TMEM135: variants seen among roughly 807,000 people sequenced by gnomAD.
TMEM135 encodes the protein transmembrane protein 135.
In TMEM135, 30 loss-of-function variants were observed where a neutral mutation model predicts 60.3. The observed-to-expected ratio is 0.50, with a 90% CI of 0.37 to 0.68. The LOEUF (loss-of-function observed/expected upper bound fraction) is 0.68. Ranked by LOEUF, TMEM135 falls within the 30% of genes least tolerant of loss-of-function variation. The pLI is 0.00. For synonymous variants in TMEM135, 190 were observed against 186.7 expected, an observed-to-expected ratio of 1.02 and a Z score of -0.14; for missense variants, 468 against 548.8, an observed-to-expected ratio of 0.85 and a Z score of 1.47.
chr11:87,055,460 A>G (rs1590983240), intron 1 of TMEM135, among the ~76,000 whole-genome samples: 2 of 152,232 alleles, frequency 1.3e-5, no homozygotes, highest in African/African-American at 4.8e-5. Flanking sequence ...TATGTTTTAA[A>G]TTATAGTAGT....
intron 5 of TMEM135, among the ~76,000 whole-genome samples, chr11:87,230,287 A>G (rs966675125): frequency 5.9e-5 from 9 of 152,132 alleles, no homozygotes; most frequent in African/African-American, 1.2e-4. Context: ...TCCATGTTTT[A>G]GTATGACTGA....
At chr11:87,206,751 A>G (rs1333209227) in intron 5 of TMEM135, among the ~76,000 whole-genome samples, 1 of 152,246 alleles carries the variant, frequency 6.6e-6, no homozygotes, top group South Asian at 2.1e-4. Flanking sequence ...TTAAACTATT[A>G]TAGTAGGAAC....
intron 5 of TMEM135, among the ~76,000 whole-genome samples, chr11:87,206,848 A>G (rs1032844008): frequency 6.6e-6 from 1 of 152,136 alleles, no homozygotes; most frequent in African/African-American, 2.4e-5. Flanking sequence ...ACTTGAAATT[A>G]TCTCTGTGCC....
At chr11:87,191,987 C>CTTTTTTTTTTTTTTTTTTTTTTTTTTTT (rs200969171) in intron 5 of TMEM135, among the ~76,000 whole-genome samples, 1 of 77,188 alleles carries the variant, frequency 1.3e-5, no homozygotes, top group Non-Finnish European at 2.3e-5. Context: ...CTTTTCTTTT[C>CTTTTTTTTTTTTTTTTTTTTTTTTTTTT]TTTTTTTTTT....
At chr11:87,143,882 C>A (rs12282674) in intron 4 of TMEM135, among the ~76,000 whole-genome samples, 10,051 of 152,136 alleles carry the variant, frequency 0.066, 357 homozygotes, top group African/African-American at 0.086. Flanking sequence ...TTGGTGCGCA[C>A]CCCTTGGCAA....
At chr11:87,088,843 C>G (rs1026015047) in intron 3 of TMEM135, among the ~76,000 whole-genome samples, 2 of 152,154 alleles carry the variant, frequency 1.3e-5, no homozygotes, top group Admixed American at 6.5e-5. Context: ...GTCAAAAACA[C>G]AATTGTCAAA....
At chr11:87,060,111 TA>T (rs912203249) in intron 1 of TMEM135, among the ~76,000 whole-genome samples, 2 of 150,646 alleles carry the variant, frequency 1.3e-5, no homozygotes, top group Non-Finnish European at 3.0e-5. Flanking sequence ...TGACTCTGAA[TA>T]AAAAAAAAGA....
chr11:87,067,583 A>G, intron 1 of TMEM135, 111 bp from the exon 2 acceptor site: 1 of 1,428,916 alleles, frequency 7.0e-7, no homozygotes. Context: ...AAATGCCAGC[A>G]TTTTTACTTT....
chr11:87,074,242 A>G (rs1856828119), intron 3 of TMEM135, among the ~76,000 whole-genome samples: 1 of 152,218 alleles, frequency 6.6e-6, no homozygotes, highest in Admixed American at 6.5e-5. Context: ...TTGGGATTAC[A>G]GGCATGAGCT....
At chr11:87,070,864 T>A (rs1219678354) in intron 2 of TMEM135, among the ~76,000 whole-genome samples, 1 of 152,234 alleles carries the variant, frequency 6.6e-6, no homozygotes, top group Non-Finnish European at 1.5e-5. Flanking sequence ...AAAACATTTA[T>A]TGAATGTCTA....
intron 6 of TMEM135, among the ~76,000 whole-genome samples, chr11:87,291,270 T>C (rs1942255457): frequency 6.6e-6 from 1 of 151,850 alleles, no homozygotes; most frequent in African/African-American, 2.4e-5. Context: ...CTGTTTGTGC[T>C]TAGTATTCCC....
At position 87,328,477 on chromosome 11, in the gene TMEM135, A is replaced by C. The variant is rs1279615416; in HGVS notation, c.*7144A>C. 2.2e-6 allele frequency: 1 copy of C among 454,044 alleles called. No homozygotes were observed. The highest frequency in any genetic ancestry group is 4.4e-6 in the Non-Finnish European group (1 of 226,770). 28.1% of individuals were successfully genotyped at this position (454,044 alleles called of 1,614,324 possible). A position where few individuals can be genotyped will look rare whatever the true frequency, so the allele number is the denominator to read the frequency against. On this transcript the variant is annotated 3_prime_UTR_variant, in exon 15 of 15. Coordinates refer to ENST00000305494, the MANE Select transcript of TMEM135 (RefSeq NM_022918.4). ...CTGTCACCAGAATAGTGTGCATTGT[A>C]CCCAATATATAGCTTTTTATTCCTT...
intron 4 of TMEM135, among the ~76,000 whole-genome samples, chr11:87,122,124 G>A (rs1172952097): frequency 1.3e-5 from 2 of 152,052 alleles, no homozygotes; most frequent in Non-Finnish European, 2.9e-5. Context: ...ATTCCATTTT[G>A]TACTATTTTC....
At chr11:87,281,467 A>G (rs1942058853) in intron 6 of TMEM135, among the ~76,000 whole-genome samples, 2 of 152,240 alleles carry the variant, frequency 1.3e-5, no homozygotes, top group South Asian at 4.1e-4. Flanking sequence ...CCAGTACCAG[A>G]AAGATTTTAA....
At chr11:87,249,456 T>C (rs1157978038) in intron 6 of TMEM135, among the ~76,000 whole-genome samples, 1 of 152,152 alleles carries the variant, frequency 6.6e-6, no homozygotes, top group Non-Finnish European at 1.5e-5. Flanking sequence ...TTTTTGTGTG[T>C]ATTTCATTTA....
intron 5 of TMEM135, among the ~76,000 whole-genome samples, chr11:87,233,363 T>C (rs986815291): frequency 6.6e-6 from 1 of 152,084 alleles, no homozygotes; most frequent in Non-Finnish European, 1.5e-5. Context: ...AACTATTATA[T>C]GCTGCCTACA....
chr11:87,204,570 A>G (rs746364854), intron 5 of TMEM135, among the ~76,000 whole-genome samples: 1 of 152,200 alleles, frequency 6.6e-6, no homozygotes, highest in Non-Finnish European at 1.5e-5. Context: ...ATTTTGTGTC[A>G]TATGTATTAT....
chr11:87,130,838 T>G (rs922870125), intron 4 of TMEM135, among the ~76,000 whole-genome samples: 1 of 152,094 alleles, frequency 6.6e-6, no homozygotes, highest in Admixed American at 6.6e-5. Context: ...TTCAAATTAT[T>G]GGAGTGATCT....
chr11:87,301,008 G>A (rs1942437563), intron 7 of TMEM135, among the ~76,000 whole-genome samples: 1 of 152,198 alleles, frequency 6.6e-6, no homozygotes, highest in African/African-American at 2.4e-5. Flanking sequence ...AAGAACAGCA[G>A]TGCAGATCTT....
Sources: gnomAD v4.1 joint callset for allele counts (sites outside exome capture counted in the v4.1 genomes callset) on GRCh38, gnomAD v4.1.1 for gene constraint, MANE v1.5 for transcripts, NCBI Gene and HGNC (gene_info 2026-07-23, HGNC 2026-07-21) for gene names.